The following PRDM5 variants were observed in gnomAD, a reference collection of about 807,000 sequenced individuals.
PRDM5 encodes PR/SET domain 5.
A neutral mutation model predicts 81.2 loss-of-function variants in PRDM5; 56 were observed. The ratio of observed to expected loss-of-function variants is 0.69; its 90% CI spans 0.56 to 0.86. The LOEUF (loss-of-function observed/expected upper bound fraction) is 0.86, where lower values mean the gene tolerates loss of function less well. PRDM5 is among the 40% of genes least tolerant of loss of function. The pLI is 0.00. For synonymous variants in PRDM5, 267 were observed against 256.4 expected, an observed-to-expected ratio of 1.04 and a Z score of -0.39; for missense variants, 697 against 770.1, an observed-to-expected ratio of 0.91 and a Z score of 1.12.
At chr4:120,733,828 T>C (rs186934565) in intron 14 of PRDM5, among the ~76,000 whole-genome samples, 4 of 149,858 alleles carry the variant, frequency 2.7e-5, no homozygotes, top group African/African-American at 9.9e-5. Flanking sequence ...GTGGAAAGAC[T>C]GAATGAATAC....
chr4:120,873,224 G>A (rs1349311869), intron 2 of PRDM5, among the ~76,000 whole-genome samples: 6 of 151,914 alleles, frequency 3.9e-5, no homozygotes, highest in Non-Finnish European at 7.4e-5. Flanking sequence ...GGCTGGTCTC[G>A]AACTCCTAAC....
chr4:120,922,446 G>GC, intron 1 of PRDM5, 70 bp downstream of exon 1: 2 of 1,287,376 alleles, frequency 1.6e-6, no homozygotes, highest in Non-Finnish European at 2.0e-6. Context: ...GGGCCCTGCG[G>GC]CAGGGCGACT....
chr4:120,791,787 G>A (rs1013996701), intron 10 of PRDM5, among the ~76,000 whole-genome samples: 3 of 152,126 alleles, frequency 2.0e-5, no homozygotes, highest in African/African-American at 7.2e-5. Context: ...TTAGGAGTTG[G>A]GACCTCTAGG....
At chr4:120,857,810 T>C (rs547249077) in intron 2 of PRDM5, among the ~76,000 whole-genome samples, 6 of 152,342 alleles carry the variant, frequency 3.9e-5, no homozygotes, top group African/African-American at 1.2e-4. Context: ...GGGTCAACTA[T>C]AGACAGAGAA....
At chr4:120,701,131 C>T (rs1466355587) in intron 15 of PRDM5, among the ~76,000 whole-genome samples, 2 of 140,248 alleles carry the variant, frequency 1.4e-5, no homozygotes, top group Admixed American at 7.1e-5. Flanking sequence ...TTGCAACAAA[C>T]AAAAACAAAA....
chr4:120,878,072 CA>C (rs1762494467), intron 2 of PRDM5, among the ~76,000 whole-genome samples: 1 of 152,214 alleles, frequency 6.6e-6, no homozygotes, highest in East Asian at 1.9e-4. Context: ...ACTAAACATT[CA>C]GAGAGAATAA....
At position 120,799,753 on chromosome 4, in the gene PRDM5, A is replaced by C; in HGVS notation, c.946-8T>G. The C allele has an allele frequency of 6.2e-7, 1 of 1,610,856 alleles. No individual in the cohort carries two copies. Among genetic ancestry groups the C allele is most frequent in the Non-Finnish European group, 8.5e-7 (1 of 1,178,388 alleles). On this transcript the variant is annotated splice_polypyrimidine_tract_variant and splice_region_variant and intron_variant, in intron 8 of 15. Transcript: ENST00000264808. ...ATCAAATATCTCATGAATCTGCAAA[A>C]GGTTAAATAGACAGTTAAATCAACT...
intron 10 of PRDM5, among the ~76,000 whole-genome samples, chr4:120,789,538 A>G (rs1249549787): frequency 2.6e-5 from 4 of 152,164 alleles, no homozygotes; most frequent in Non-Finnish European, 5.9e-5. Context: ...AAATTTGGAG[A>G]AAATATTCCA....
At chr4:120,873,576 C>T (rs1322041031) in intron 2 of PRDM5, among the ~76,000 whole-genome samples, 1 of 152,208 alleles carries the variant, frequency 6.6e-6, no homozygotes, top group Admixed American at 6.5e-5. Flanking sequence ...TCAAACATTT[C>T]ACTCAAATCA....
chr4:120,762,471 G>A (rs929119642), intron 13 of PRDM5: 2 of 152,024 alleles, frequency 1.3e-5, no homozygotes, highest in South Asian at 4.1e-4. Flanking sequence ...TGAATATCAG[G>A]GGACTGGCTT....
At chr4:120,838,103 CTGTTAAACAAAGCT>C (rs1451429581) in intron 3 of PRDM5, 1 of 152,160 alleles carries the variant, frequency 6.6e-6, no homozygotes, top group Non-Finnish European at 1.5e-5. Flanking sequence ...TTCTAGACTT[CTGTTAAACAAAGCT>C]CCATGTGAAA....
chr4:120,872,174 AC>A, intron 2 of PRDM5, among the ~76,000 whole-genome samples: 1 of 141,264 alleles, frequency 7.1e-6, no homozygotes, highest in Admixed American at 7.1e-5. Flanking sequence ...AAAAAAAAAA[AC>A]CTGTACAGAG....
At chr4:120,710,792 G>C (rs537606347) in intron 14 of PRDM5, among the ~76,000 whole-genome samples, 1 of 152,112 alleles carries the variant, frequency 6.6e-6, no homozygotes, top group South Asian at 2.1e-4. Context: ...ATGACTGTAA[G>C]TTTCCTGAGC....
At chr4:120,803,234 T>C (rs1752396214) in intron 8 of PRDM5, among the ~76,000 whole-genome samples, 1 of 152,090 alleles carries the variant, frequency 6.6e-6, no homozygotes, top group Admixed American at 6.5e-5. Context: ...CATCTGATTG[T>C]TGTACCTGAA....
At chr4:120,792,717 T>C (rs1750759214) in intron 10 of PRDM5, among the ~76,000 whole-genome samples, 1 of 152,174 alleles carries the variant, frequency 6.6e-6, no homozygotes, top group South Asian at 2.1e-4. Flanking sequence ...AATGTAATAC[T>C]ATTCAGCCTT....
At chr4:120,916,238 T>A (rs1464263084) in intron 1 of PRDM5, among the ~76,000 whole-genome samples, 1 of 151,822 alleles carries the variant, frequency 6.6e-6, no homozygotes, top group Non-Finnish European at 1.5e-5. Context: ...AATACAAAAA[T>A]TAGCCAGGTG....
intron 2 of PRDM5, among the ~76,000 whole-genome samples, chr4:120,907,264 G>A (rs1487445175): frequency 6.6e-6 from 1 of 151,076 alleles, no homozygotes; most frequent in Non-Finnish European, 1.5e-5. Flanking sequence ...AACCTGGGGG[G>A]CGGACGTTGC....
chr4:120,749,451 G>T (rs1283229168), intron 14 of PRDM5, among the ~76,000 whole-genome samples: 1 of 152,154 alleles, frequency 6.6e-6, no homozygotes, highest in African/African-American at 2.4e-5. Context: ...GAGCCCCCAG[G>T]TGGCACAGAC....
chr4:120,854,882 G>A (rs1759694146), intron 2 of PRDM5, among the ~76,000 whole-genome samples: 1 of 151,936 alleles, frequency 6.6e-6, no homozygotes, highest in Non-Finnish European at 1.5e-5. Context: ...TACAGCAAGT[G>A]AAAGGCAAGG....
Sources: allele counts gnomAD v4.1 joint callset (sites outside exome capture counted in the v4.1 genomes callset), GRCh38; gene constraint gnomAD v4.1.1; transcripts MANE v1.5; gene names NCBI Gene and HGNC (gene_info 2026-07-23, HGNC 2026-07-21).